Variants in SLC22A14 observed in about 807,000 individuals in gnomAD.
SLC22A14 encodes the protein solute carrier family 22 member 14.
In SLC22A14, 50 loss-of-function variants were observed where a neutral mutation model predicts 53.9. The ratio of observed to expected loss-of-function variants is 0.93; its 90% CI spans 0.74 to 1.17. The LOEUF (loss-of-function observed/expected upper bound fraction) is 1.17. SLC22A14 is among the 50% of genes most tolerant of loss of function. SLC22A14 has a pLI of 0.00. For missense variants in SLC22A14, 671 were observed against 734.7 expected (o/e 0.91, Z 1.00); for synonymous variants, 312 against 303.0 (o/e 1.03, Z -0.31).
At chr3:38,312,788 C>T (rs1419649437) in intron 5 of SLC22A14, among the ~76,000 whole-genome samples, 1 of 152,178 alleles carries the variant, frequency 6.6e-6, no homozygotes, top group African/African-American at 2.4e-5. Context: ...TACCTAGCAG[C>T]AGTGGAGGCC....
intron 1 of SLC22A14, among the ~76,000 whole-genome samples, chr3:38,298,556 G>C (rs1031084215): frequency 6.7e-6 from 1 of 149,162 alleles, no homozygotes; most frequent in East Asian, 1.9e-4. Context: ...TCCCTGTCTT[G>C]TGTGTGTGTG....
chr3:38,313,494 C>A lies in SLC22A14; in HGVS notation c.1163+9C>A, dbSNP rs749193224. 5.0e-6 allele frequency: 8 copies of A among 1,584,736 alleles called. No individual in the cohort carries two copies. In the South Asian group the frequency reaches 5.5e-5, roughly 11 times the overall value. On this transcript the variant is annotated intron_variant, in intron 7 of 10. Coordinates refer to ENST00000448498, the MANE Select transcript of SLC22A14 (RefSeq NM_001320033.2). ...GTGATGAGCTGTGTGTGGTGAGTATCCAGGGCTCGCTGGCAGGGACTGCGA... is the reference window on the plus strand; with the variant it reads ...GTGATGAGCTGTGTGTGGTGAGTATACAGGGCTCGCTGGCAGGGACTGCGA...
chr3:38,279,874 CTG>C (rs552599181), upstream of SLC22A14, among the ~76,000 whole-genome samples: 18 of 152,326 alleles, frequency 1.2e-4, no homozygotes, highest in East Asian at 3.5e-3. Flanking sequence ...GAAAGCGAAA[CTG>C]TGCCCCAAAC....
At chr3:38,294,846 C>T (rs1329084144) in intron 1 of SLC22A14, among the ~76,000 whole-genome samples, 3 of 152,088 alleles carry the variant, frequency 2.0e-5, no homozygotes, top group African/African-American at 7.2e-5. Flanking sequence ...GGGCTGGGCT[C>T]CTGAGTATTT....
chr3:38,287,055 A>G (rs1703810019), intron 1 of SLC22A14, among the ~76,000 whole-genome samples: 1 of 152,038 alleles, frequency 6.6e-6, no homozygotes, highest in Admixed American at 6.5e-5. Context: ...GGTTCTGTAC[A>G]TACTCTTTAC....
intron 1 of SLC22A14, among the ~76,000 whole-genome samples, chr3:38,299,354 ATAAT>A (rs550073896): frequency 9.9e-5 from 15 of 152,248 alleles, no homozygotes; most frequent in Non-Finnish European, 1.6e-4. Context: ...ACCCTCAGAG[ATAAT>A]TAGTCTCATT....
At chr3:38,289,590 C>T (rs982338406) in intron 1 of SLC22A14, among the ~76,000 whole-genome samples, 9 of 152,134 alleles carry the variant, frequency 5.9e-5, no homozygotes, top group African/African-American at 1.4e-4. Flanking sequence ...CTGTGGGTCA[C>T]GGAAGAGAAC....
chr3:38,303,605 A>G lies in SLC22A14; in HGVS notation c.1-2422A>G, dbSNP rs142968854. 9.1e-3 allele frequency among the ~76,000 whole-genome samples: 1,387 copies of G among 152,186 alleles called. 23 individuals are homozygous for G. Among genetic ancestry groups the G allele is most frequent in the African/African-American group, 0.032 (1,308 of 41,514 alleles). On this transcript the variant is annotated intron_variant, in intron 1 of 10. Transcript: ENST00000448498. The stretch of plus-strand genomic sequence containing the variant: ...GTTAGAAGACTCAATATTGTTGTTA[A>G]GATATAAATTCTTCTCCACTATAGA...
chr3:38,295,304 G>C (rs1204169143), intron 1 of SLC22A14, among the ~76,000 whole-genome samples: 1 of 152,330 alleles, frequency 6.6e-6, no homozygotes, highest in South Asian at 2.1e-4. Context: ...TTTTGAGTTA[G>C]TAAGCTACCT....
intron 1 of SLC22A14, among the ~76,000 whole-genome samples, chr3:38,284,411 C>T (rs895111074): frequency 2.6e-5 from 4 of 152,312 alleles, no homozygotes; most frequent in Admixed American, 6.5e-5. Context: ...GAATGCAGCT[C>T]GGCCTCCCCA....
upstream of SLC22A14, among the ~76,000 whole-genome samples, chr3:38,281,696 C>T (rs1425348562): frequency 1.3e-5 from 2 of 152,232 alleles, no homozygotes; most frequent in African/African-American, 4.8e-5. Context: ...GAAGTTTCAA[C>T]ATGAGTTTTG....
intron 1 of SLC22A14, among the ~76,000 whole-genome samples, chr3:38,294,191 CTTA>C (rs1054578457): frequency 3.5e-5 from 5 of 141,262 alleles, no homozygotes; most frequent in African/African-American, 1.3e-4. Context: ...AAGGGGGGTT[CTTA>C]TTAGTTGGGG....
chr3:38,316,944 A>T (rs1026233777), intron 10 of SLC22A14, among the ~76,000 whole-genome samples: 1 of 152,026 alleles, frequency 6.6e-6, no homozygotes, highest in African/African-American at 2.4e-5. Context: ...TTCATAAAAA[A>T]CCCAGTCTTG....
Position 38,307,695 on chromosome 3 carries a change from C to T in SLC22A14, c.750C>T (p.Gly250=). Residue 250 remains glycine, a synonymous_variant, in exon 4 of 11, where the codon GGC becomes GGT. Transcript: ENST00000448498. The surrounding 1 kb of genome is among the most constrained non-coding windows in gnomAD (Gnocchi z 4.4). ...TTGGCATCTCGCAGTCAGTGGTGGG[C>T]TACGCCATCAGCAGCATTTCTTTGG... ...FRFGISQSVV[G]YAISSISLAT... is the part of the protein sequence containing the mutation. The T allele has an allele frequency of 6.2e-7, 1 of 1,614,180 alleles. No homozygotes were observed. Among genetic ancestry groups the T allele is most frequent in the South Asian group, 1.1e-5 (1 of 91,084 alleles).
chr3:38,308,449 T>G (rs529639511), intron 4 of SLC22A14, among the ~76,000 whole-genome samples: 1 of 152,228 alleles, frequency 6.6e-6, no homozygotes, highest in Non-Finnish European at 1.5e-5. Flanking sequence ...GTGAAAAAGC[T>G]GGGACTTCAA....
intron 1 of SLC22A14, among the ~76,000 whole-genome samples, chr3:38,301,767 G>T (rs1704165332): frequency 6.6e-6 from 1 of 150,908 alleles, no homozygotes; most frequent in Middle Eastern, 3.4e-3. Flanking sequence ...TTGTGGAGGG[G>T]ATAGTTTTTT....
chr3:38,292,363 G>A (rs1703931535), intron 1 of SLC22A14, among the ~76,000 whole-genome samples: 2 of 152,264 alleles, frequency 1.3e-5, no homozygotes, highest in African/African-American at 2.4e-5. Context: ...CATCCTTAAG[G>A]TCCAGGACTG....
chr3:38,284,818 A>C (rs1169110642), intron 1 of SLC22A14, among the ~76,000 whole-genome samples: 1 of 152,156 alleles, frequency 6.6e-6, no homozygotes, highest in East Asian at 1.9e-4. Context: ...ATGACCGAAA[A>C]GCAATACAAA....
At chr3:38,295,697 CTT>C (rs1704018060) in intron 1 of SLC22A14, among the ~76,000 whole-genome samples, 2 of 151,946 alleles carry the variant, frequency 1.3e-5, no homozygotes, top group South Asian at 2.1e-4. Flanking sequence ...TTCTTTCTCT[CTT>C]TGACTCCCTC....
Sources: gnomAD v4.1 joint callset for allele counts (sites outside exome capture counted in the v4.1 genomes callset) on GRCh38, gnomAD v4.1.1 for gene constraint, Gnocchi (gnomAD v3.1) non-coding constraint, MANE v1.5 for transcripts, NCBI Gene and HGNC (gene_info 2026-07-23, HGNC 2026-07-21) for gene names.